Variants in RGS17 observed in about 807,000 individuals in gnomAD.
The protein encoded by RGS17 is regulator of G protein signaling 17.
Under a neutral mutation model 25.5 loss-of-function variants are expected in RGS17, and 12 were observed. That is an observed-to-expected ratio of 0.47 (90% CI 0.30 to 0.76). The LOEUF is 0.76. RGS17 is among the 30% of genes least tolerant of loss of function. The pLI is 0.07. For synonymous variants in RGS17, 71 were observed against 76.9 expected (o/e 0.92, Z 0.40); for missense variants, 196 against 242.2 (o/e 0.81, Z 1.27).
chr6:153,008,039 T>A lies in RGS17; in HGVS notation c.*3535A>T, dbSNP rs1164786930. The A allele has an allele frequency of 1.3e-5, 2 of 152,222 alleles. No individual in the cohort carries two copies. Among genetic ancestry groups the A allele is most frequent in the Admixed American group, 6.5e-5 (1 of 15,282 alleles). The allele number at this position is 152,222 out of a possible 1,614,324, so 9.4% of individuals were successfully genotyped here. On this transcript the variant is annotated 3_prime_UTR_variant, in exon 5 of 5. Transcript: ENST00000206262. The stretch of plus-strand genomic sequence containing the variant: ...TTGTCACAATTACAATATGATTTTT[T>A]AAAGTATAAATAAGTTAAAGGTATA...
intron 1 of RGS17, among the ~76,000 whole-genome samples, chr6:153,087,751 A>C (rs1777071016): frequency 1.3e-5 from 2 of 152,180 alleles, no homozygotes; most frequent in Admixed American, 6.5e-5. Flanking sequence ...AGGATACTTA[A>C]TGAGCTCTAA....
chr6:153,010,475 G>A lies in RGS17; in HGVS notation c.*1099C>T, dbSNP rs181440225. 1 of 152,080 alleles carries A rather than the reference G, an allele frequency of 6.6e-6. No homozygotes were observed. Among genetic ancestry groups the A allele is most frequent in the Non-Finnish European group, 1.5e-5 (1 of 67,872 alleles). 9.4% of individuals were successfully genotyped at this position (152,080 alleles called of 1,614,324 possible). A position where few individuals can be genotyped will look rare whatever the true frequency, so the allele number is the denominator to read the frequency against. On this transcript the variant is annotated 3_prime_UTR_variant, in exon 5 of 5. Transcript: ENST00000206262. ...AAGATATTATGTGAAAACAGTTAAGGTCTGAAGTAGAGGATTATTTTCTTC... is the reference window on the plus strand; with the variant it reads ...AAGATATTATGTGAAAACAGTTAAGATCTGAAGTAGAGGATTATTTTCTTC...
At chr6:153,049,726 G>C (rs551592477) in intron 1 of RGS17, among the ~76,000 whole-genome samples, 1 of 151,236 alleles carries the variant, frequency 6.6e-6, no homozygotes, top group East Asian at 2.0e-4. Context: ...ACTCCAGCCT[G>C]GGCAACAGAG....
rs1200081962 is a variant in RGS17 at position 153,024,329 on chromosome 6, T to C, written c.377A>G (p.Lys126Arg). 3 of 1,614,102 alleles carry C rather than the reference T, an allele frequency of 1.9e-6. No homozygotes were observed. The highest frequency in any genetic ancestry group is 2.5e-6 in the Non-Finnish European group (3 of 1,179,956). ...CCTAGCCTTTTCTTCAATTACTTTTTTGTTCTGCTCCTTCTTTAAGTCTTC... is the reference window on the plus strand; with the variant it reads ...CCTAGCCTTTTCTTCAATTACTTTTCTGTTCTGCTCCTTCTTTAAGTCTTC... ...ACEDLKKEQN[K>R]KVIEEKARMI... Residue 126 changes from lysine to arginine, a missense_variant, in exon 4 of 5, where the codon AAA becomes AGA. Physicochemically the swap from Lys to Arg is conservative, Grantham distance 26. Coordinates refer to ENST00000206262, the MANE Select transcript of RGS17 (RefSeq NM_012419.5).
At chr6:153,102,023 G>A (rs538466065) in intron 1 of RGS17, among the ~76,000 whole-genome samples, 1 of 152,174 alleles carries the variant, frequency 6.6e-6, no homozygotes, top group Non-Finnish European at 1.5e-5. Flanking sequence ...TACCAACAAG[G>A]TATCAAATCC....
At chr6:153,108,814 T>C (rs1777424224) in intron 1 of RGS17, among the ~76,000 whole-genome samples, 1 of 151,436 alleles carries the variant, frequency 6.6e-6, no homozygotes, top group Admixed American at 6.6e-5. Context: ...TGTGCATGTG[T>C]GTGTTTGCGT....
At chr6:153,101,119 T>C (rs1331630931) in intron 1 of RGS17, among the ~76,000 whole-genome samples, 1 of 152,200 alleles carries the variant, frequency 6.6e-6, no homozygotes, top group East Asian at 1.9e-4. Context: ...AAAATTTAAG[T>C]AATTTGTCCA....
chr6:153,014,162 C>T (rs1006925353), intron 4 of RGS17, among the ~76,000 whole-genome samples: 1 of 152,240 alleles, frequency 6.6e-6, no homozygotes, highest in East Asian at 1.9e-4. Context: ...TAAACAGATA[C>T]GAATGCTTAT....
intron 1 of RGS17, among the ~76,000 whole-genome samples, chr6:153,049,955 T>C (rs1776440430): frequency 6.6e-6 from 1 of 152,120 alleles, no homozygotes; most frequent in South Asian, 2.1e-4. Context: ...AACAGATATG[T>C]AGATCAAAAT....
intron 1 of RGS17, among the ~76,000 whole-genome samples, chr6:153,058,338 T>C (rs1380697272): frequency 6.6e-6 from 1 of 152,186 alleles, no homozygotes; most frequent in Non-Finnish European, 1.5e-5. Context: ...TTTGTATCCA[T>C]TGGCTGGGAT....
chr6:153,110,304 G>A (rs893473081), intron 1 of RGS17, among the ~76,000 whole-genome samples: 2 of 151,938 alleles, frequency 1.3e-5, no homozygotes, highest in African/African-American at 4.8e-5. Context: ...TCCTTTCCTG[G>A]TTCTAGTTTC....
At chr6:153,071,858 T>C (rs1776807665) in intron 1 of RGS17, among the ~76,000 whole-genome samples, 1 of 152,124 alleles carries the variant, frequency 6.6e-6, no homozygotes, top group African/African-American at 2.4e-5. Flanking sequence ...CTCTTACTCT[T>C]TGGGCAAGTT....
intron 1 of RGS17, among the ~76,000 whole-genome samples, chr6:153,049,031 A>T (rs1434777744): frequency 6.6e-6 from 1 of 152,222 alleles, no homozygotes; most frequent in Non-Finnish European, 1.5e-5. Flanking sequence ...AATAAAGTCT[A>T]TATACCCAAC....
At chr6:153,119,412 C>T (rs1206269249) in intron 1 of RGS17, among the ~76,000 whole-genome samples, 4 of 152,166 alleles carry the variant, frequency 2.6e-5, no homozygotes, top group East Asian at 1.9e-4. Context: ...TATTTCAAGC[C>T]GGGCGCAGTG....
At chr6:153,127,780 C>G (rs1300012777) in intron 1 of RGS17, among the ~76,000 whole-genome samples, 2 of 152,110 alleles carry the variant, frequency 1.3e-5, no homozygotes, top group African/African-American at 4.8e-5. Context: ...GATGTAGGAC[C>G]ATAAACACGA....
intron 1 of RGS17, among the ~76,000 whole-genome samples, chr6:153,057,284 TAA>T (rs1456957788): frequency 6.6e-6 from 1 of 152,132 alleles, no homozygotes; most frequent in Non-Finnish European, 1.5e-5. Flanking sequence ...GCCGTTGCAG[TAA>T]GATCAATTTT....
At chr6:153,035,269 T>C (rs1776224983) in intron 2 of RGS17, among the ~76,000 whole-genome samples, 1 of 152,206 alleles carries the variant, frequency 6.6e-6, no homozygotes, top group Non-Finnish European at 1.5e-5. Flanking sequence ...AACATATTAA[T>C]GTCTGAAACA....
At chr6:153,024,232 A>G in intron 4 of RGS17, 30 bp downstream of exon 4, 1 of 1,472,870 alleles carries the variant, frequency 6.8e-7, no homozygotes, top group Non-Finnish European at 9.4e-7. Context: ...GGTCTTAGGA[A>G]GCCCACCTCA....
In RGS17 at chr6:153,005,373, G is replaced by A. The variant is rs1422381525; in HGVS notation, c.*6201C>T. ...TAGCATTTATTAGTAATCACTTAGTGGAACCTAATATTAGTGTTTAGAATT... is the reference window on the plus strand; with the variant it reads ...TAGCATTTATTAGTAATCACTTAGTAGAACCTAATATTAGTGTTTAGAATT... On this transcript the variant is annotated 3_prime_UTR_variant, in exon 5 of 5. Transcript: ENST00000206262. The A allele has an allele frequency of 6.6e-6, 1 of 152,086 alleles. No homozygotes were observed. The highest frequency in any genetic ancestry group is 1.5e-5 in the Non-Finnish European group (1 of 68,022). 9.4% of individuals were successfully genotyped at this position (152,086 alleles called of 1,614,324 possible). A position where few individuals can be genotyped will look rare whatever the true frequency, so the allele number is the denominator to read the frequency against.
Sources: allele counts gnomAD v4.1 joint callset (sites outside exome capture counted in the v4.1 genomes callset), GRCh38; gene constraint gnomAD v4.1.1; transcripts MANE v1.5; gene names NCBI Gene and HGNC (gene_info 2026-07-23, HGNC 2026-07-21).